CCDC170: variants seen among roughly 807,000 people sequenced by gnomAD.
The protein encoded by CCDC170 is coiled-coil domain containing 170.
Under a neutral mutation model 72.6 loss-of-function variants are expected in CCDC170, and 69 were observed. That is an observed-to-expected ratio of 0.95 (90% confidence interval 0.78 to 1.16). CCDC170 has a LOEUF of 1.16. Among genes scored for constraint, CCDC170 ranks in the 50% most tolerant of loss-of-function variants. The pLI is 0.00. For synonymous variants in CCDC170, 300 were observed against 303.9 expected (o/e 0.99, Z 0.13); for missense variants, 852 against 832.5 (o/e 1.02, Z -0.29).
At chr6:151,612,008 C>T (rs1776880610) in intron 9 of CCDC170, among the ~76,000 whole-genome samples, 1 of 152,076 alleles carries the variant, frequency 6.6e-6, no homozygotes, top group African/African-American at 2.4e-5. Context: ...TGCGCCTGGC[C>T]AAAACTGGTT....
chr6:151,563,318 C>T (rs926864253), intron 5 of CCDC170, among the ~76,000 whole-genome samples: 10 of 152,166 alleles, frequency 6.6e-5, no homozygotes, highest in African/African-American at 1.9e-4. Context: ...TGGAGATGAC[C>T]GCTCTCTACA....
At position 151,543,546 on chromosome 6, in the gene CCDC170, C is replaced by T. The variant is rs184342563; in HGVS notation, c.444-1026C>T. ...GTGCTACAGAACACTAGAACTTACC[C>T]CTGCCATCTAGCTTTATAACTTTAT... is the stretch of plus-strand genomic sequence containing the variant. On this transcript the variant is annotated intron_variant, in intron 3 of 10. Transcript: ENST00000239374. 2.2e-3 allele frequency among the ~76,000 whole-genome samples: 337 copies of T among 152,208 alleles called. 4 individuals are homozygous for T. The highest frequency in any genetic ancestry group is 7.9e-3 in the African/African-American group (328 of 41,548).
Position 151,548,317 on chromosome 6 carries a change from G to T in CCDC170, c.602G>T (p.Arg201Leu), listed in dbSNP as rs200538059. The change falls in exon 5 of 11, where the codon CGC (arginine) becomes CTC (leucine). Residue 201 changes from arginine to leucine, a missense_variant. By Grantham distance (102) the Arg-to-Leu change is moderately radical. Coordinates refer to ENST00000239374, the MANE Select transcript of CCDC170 (RefSeq NM_025059.4). Reference protein sequence around the residue: ...EDLILKLRDLRKENEFVKGQI... With the variant: ...EDLILKLRDLLKENEFVKGQI... The stretch of plus-strand genomic sequence containing the variant: ...CTTTCTCTTCAGCTTAGAGACCTGC[G>T]CAAAGAAAATGAATTCGTGAAAGGA... 45 of 1,588,202 alleles carry T rather than the reference G, an allele frequency of 2.8e-5. No individual in the cohort carries two copies. Among genetic ancestry groups the T allele is most frequent in the Non-Finnish European group, 3.8e-5 (44 of 1,166,808 alleles).
At position 151,494,123 on chromosome 6, in the gene CCDC170, G is replaced by T. The variant is rs1270520604; in HGVS notation, c.-6G>T. On this transcript the variant is annotated 5_prime_UTR_variant, in exon 1 of 11. Coordinates refer to ENST00000239374, the MANE Select transcript of CCDC170 (RefSeq NM_025059.4). Reference sequence around the variant, plus strand: ...GGTCCGAGCGCGCCCCCGGGCTCGGGTCGTCATGAGCCTGGACTGCACCAG... The same window carrying T: ...GGTCCGAGCGCGCCCCCGGGCTCGGTTCGTCATGAGCCTGGACTGCACCAG... 1.3e-6 allele frequency: 2 copies of T among 1,499,426 alleles called. No homozygotes were observed. Among genetic ancestry groups the T allele is most frequent in the Non-Finnish European group, 8.8e-7 (1 of 1,131,266 alleles). 92.9% of individuals were successfully genotyped at this position (1,499,426 alleles called of 1,614,324 possible). A position where few individuals can be genotyped will look rare whatever the true frequency, so the allele number is the denominator to read the frequency against.
intron 3 of CCDC170, among the ~76,000 whole-genome samples, chr6:151,542,403 G>A (rs1201844711): frequency 6.6e-6 from 1 of 151,910 alleles, no homozygotes; most frequent in Non-Finnish European, 1.5e-5. Flanking sequence ...AAATTTTTTT[G>A]TAGAGATGGC....
At chr6:151,573,522 T>A (rs753039505) in intron 6 of CCDC170, 31 bp downstream of exon 6, 4 of 1,584,184 alleles carry the variant, frequency 2.5e-6, no homozygotes, top group Non-Finnish European at 3.4e-6. Flanking sequence ...TACAGACATC[T>A]TAAGAACAGT....
chr6:151,504,826 AG>A (rs1323413751), intron 1 of CCDC170, among the ~76,000 whole-genome samples: 1 of 151,316 alleles, frequency 6.6e-6, no homozygotes, highest in Non-Finnish European at 1.5e-5. Context: ...GAGGGCATGA[AG>A]TAAACCGGTG....
chr6:151,573,752 C>T (rs543339404), intron 6 of CCDC170, among the ~76,000 whole-genome samples: 1 of 152,030 alleles, frequency 6.6e-6, no homozygotes, highest in Non-Finnish European at 1.5e-5. Context: ...GGGGAACTGC[C>T]CTTTATAAAA....
chr6:151,526,255 C>T (rs1022925286), intron 1 of CCDC170, among the ~76,000 whole-genome samples: 4 of 151,352 alleles, frequency 2.6e-5, no homozygotes, highest in African/African-American at 9.7e-5. Flanking sequence ...TGGCGTCTCT[C>T]TCTGATGTCC....
At chr6:151,616,497 G>T (rs926849607) in intron 10 of CCDC170, among the ~76,000 whole-genome samples, 1 of 151,720 alleles carries the variant, frequency 6.6e-6, no homozygotes, top group Non-Finnish European at 1.5e-5. Context: ...CCTCTGTTTT[G>T]GTTCATGTGT....
At chr6:151,612,726 A>G (rs1289002669) in intron 9 of CCDC170, among the ~76,000 whole-genome samples, 1 of 152,206 alleles carries the variant, frequency 6.6e-6, no homozygotes, top group African/African-American at 2.4e-5. Flanking sequence ...AGATGCATCA[A>G]GAAAACATCT....
rs554705864 is a variant in CCDC170, at chr6:151,541,094, G to A, written c.443+2793G>A. Among the ~76,000 whole-genome samples, 239 of 152,098 alleles carry A rather than the reference G, an allele frequency of 1.6e-3. 1 individual carries two copies. The highest frequency in any genetic ancestry group is 2.7e-3 in the Non-Finnish European group (182 of 67,986). ...TCCCTTGAACCTGACAGACCTGATT[G>A]TACCTCAGGACCTTTGCAATTGTTA... On this transcript the variant is annotated intron_variant, in intron 3 of 10. Transcript: ENST00000239374.
intron 1 of CCDC170, among the ~76,000 whole-genome samples, chr6:151,513,814 G>A (rs894558587): frequency 1.3e-5 from 2 of 150,796 alleles, no homozygotes; most frequent in African/African-American, 2.4e-5. Flanking sequence ...CACCTACTCC[G>A]GAGGCTGAGG....
At chr6:151,567,727 C>T (rs1289842151) in intron 5 of CCDC170, among the ~76,000 whole-genome samples, 1 of 152,082 alleles carries the variant, frequency 6.6e-6, no homozygotes, top group East Asian at 1.9e-4. Flanking sequence ...TAGCCTGTTC[C>T]TTCAGTGTAC....
rs1777033685 is a variant in CCDC170, at chr6:151,619,943, T to A, written c.*1796T>A. On this transcript the variant is annotated 3_prime_UTR_variant, in exon 11 of 11. Coordinates refer to ENST00000239374, the MANE Select transcript of CCDC170 (RefSeq NM_025059.4). Reference sequence around the variant, plus strand: ...CAAGGGTCAAAACTAGATTGGATCTTGGTTTGAATGAAAAAAAGCATAAAA... The same window carrying A: ...CAAGGGTCAAAACTAGATTGGATCTAGGTTTGAATGAAAAAAAGCATAAAA... 6.6e-6 allele frequency: 1 copy of A among 152,126 alleles called. No homozygotes were observed. Among genetic ancestry groups the A allele is most frequent in the Admixed American group, 6.5e-5 (1 of 15,276 alleles). The allele number at this position is 152,126 out of a possible 1,614,324, so 9.4% of individuals were successfully genotyped here.
In CCDC170 at chr6:151,558,230, G is replaced by A. The variant is rs1040593033; in HGVS notation, c.774+9741G>A. Among the ~76,000 whole-genome samples the A allele has an allele frequency of 7.2e-5, 5 of 69,456 alleles. No homozygotes were observed. The Admixed American group carries it at 7.4e-4, about 10-fold the overall frequency. The allele number at this position is 69,456 out of a possible 152,430, so 45.6% of individuals were successfully genotyped here. ...CCTCACCCACTTTTTATTGAGATTAGTGTTTTTTTTTTTTTTTTTTTTTTT... is the reference window on the plus strand; with the variant it reads ...CCTCACCCACTTTTTATTGAGATTAATGTTTTTTTTTTTTTTTTTTTTTTT... On this transcript the variant is annotated intron_variant, in intron 5 of 10. Coordinates refer to ENST00000239374, the MANE Select transcript of CCDC170 (RefSeq NM_025059.4).
At chr6:151,610,362 TG>T (rs1776851103) in intron 9 of CCDC170, among the ~76,000 whole-genome samples, 1 of 152,196 alleles carries the variant, frequency 6.6e-6, no homozygotes, top group Non-Finnish European at 1.5e-5. Context: ...TTAATTGTTT[TG>T]AAAAATGTCT....
At chr6:151,576,601 CAG>C (rs776645034) in intron 6 of CCDC170, among the ~76,000 whole-genome samples, 34 of 152,202 alleles carry the variant, frequency 2.2e-4, no homozygotes, top group Non-Finnish European at 3.7e-4. Context: ...TAGAATGATT[CAG>C]AGTCTTTTTA....
chr6:151,580,951 C>T (rs1776371386), intron 6 of CCDC170, among the ~76,000 whole-genome samples: 1 of 151,966 alleles, frequency 6.6e-6, no homozygotes, highest in Admixed American at 6.6e-5. Context: ...GTGCAATAAC[C>T]CTATATCTAA....
Sources: allele counts gnomAD v4.1 joint callset (sites outside exome capture counted in the v4.1 genomes callset), GRCh38; gene constraint gnomAD v4.1.1; transcripts MANE v1.5; gene names NCBI Gene and HGNC (gene_info 2026-07-23, HGNC 2026-07-21).